Variants in PTPN4 observed in about 807,000 individuals in gnomAD.
The protein encoded by PTPN4 is protein tyrosine phosphatase non-receptor type 4, also known as tyrosine-protein phosphatase non-receptor type 4.
PTPN4 carries 49 observed loss-of-function variants against 135.5 expected under a neutral mutation model. The observed-to-expected ratio is 0.36, with a 90% CI of 0.29 to 0.46. The LOEUF (loss-of-function observed/expected upper bound fraction) is 0.46. Among genes scored for constraint, PTPN4 ranks in the 20% least tolerant of loss-of-function variants. The pLI is 1.00. For missense variants in PTPN4, 860 were observed against 1,101.0 expected, an observed-to-expected ratio of 0.78 and a Z score of 3.10; for synonymous variants, 333 against 369.9, an observed-to-expected ratio of 0.90 and a Z score of 1.14.
chr2:119,939,093 A>T (rs997279092), intron 15 of PTPN4, among the ~76,000 whole-genome samples: 3 of 152,208 alleles, frequency 2.0e-5, no homozygotes, highest in Non-Finnish European at 4.4e-5. Flanking sequence ...AGTTGCTATA[A>T]GCATATAATA....
chr2:119,809,017 A>G (rs1242095744), intron 1 of PTPN4, among the ~76,000 whole-genome samples: 7 of 152,194 alleles, frequency 4.6e-5, no homozygotes, highest in African/African-American at 9.6e-5. Context: ...CCTTTACCTA[A>G]TTGTCTTTAA....
intron 10 of PTPN4, among the ~76,000 whole-genome samples, chr2:119,901,526 G>A (rs1012403819): frequency 6.6e-6 from 1 of 152,072 alleles, no homozygotes; most frequent in African/African-American, 2.4e-5. Context: ...TCACACCAAA[G>A]GCATATTTAT....
At chr2:119,934,657 C>A in intron 14 of PTPN4, 143 bp from the exon 15 acceptor site, 1 of 766,320 alleles carries the variant, frequency 1.3e-6, no homozygotes, top group Admixed American at 2.7e-5. Context: ...GTTTATATCA[C>A]ACTGTCTTTT....
At chr2:119,907,862 C>A (rs1346176359) in intron 10 of PTPN4, among the ~76,000 whole-genome samples, 1 of 152,040 alleles carries the variant, frequency 6.6e-6, no homozygotes, top group Non-Finnish European at 1.5e-5. Context: ...GAACAGACAC[C>A]CTTTTCCATA....
Position 119,877,272 on chromosome 2 carries a change from T to C in PTPN4, c.247-51T>C, listed in dbSNP as rs555324381. ...TGGAACAGATTTGCAAGAATCAATATAGTAGTTCCTCAAGGAAAAAAGAAA... is the reference window on the plus strand; with the variant it reads ...TGGAACAGATTTGCAAGAATCAATACAGTAGTTCCTCAAGGAAAAAAGAAA... On this transcript the variant is annotated intron_variant, in intron 3 of 26. Coordinates refer to ENST00000263708, the MANE Select transcript of PTPN4 (RefSeq NM_002830.4). The C allele has an allele frequency of 3.8e-6, 6 of 1,570,384 alleles. No homozygotes were observed. In the Admixed American group the frequency reaches 7.3e-5, roughly 19 times the overall value.
chr2:119,892,381 A>G (rs1271148655), intron 9 of PTPN4, among the ~76,000 whole-genome samples: 1 of 152,192 alleles, frequency 6.6e-6, no homozygotes, highest in Non-Finnish European at 1.5e-5. Context: ...TGTGCATTTT[A>G]CTATACAGTA....
At chr2:119,928,930 TC>T (rs1678863163) in intron 13 of PTPN4, among the ~76,000 whole-genome samples, 1 of 152,156 alleles carries the variant, frequency 6.6e-6, no homozygotes, top group South Asian at 2.1e-4. Flanking sequence ...CATGTTTTGA[TC>T]CTATCAGATT....
At chr2:119,784,697 T>A (rs966750463) in intron 1 of PTPN4, among the ~76,000 whole-genome samples, 2 of 65,706 alleles carry the variant, frequency 3.0e-5, no homozygotes, top group African/African-American at 1.6e-4. Flanking sequence ...GCCCAGCTAA[T>A]TTTTTTTTTT....
Position 119,926,603 on chromosome 2 carries a change from G to A in PTPN4, c.1007G>A (p.Arg336Lys). The change falls in exon 13 of 27, where the codon AGA becomes AAA. Residue 336 changes from arginine to lysine, a missense_variant. Arg to Lys is a conservative substitution (Grantham distance 26, BLOSUM62 2). Transcript: ENST00000263708. ...TLGSKFRYCG[R>K]TEVQSVQYGK... ...TGCATATTTATATATTTCAGTGGGA[G>A]AACTGAAGTCCAATCAGTTCAGTAT... 1.3e-6 allele frequency: 2 copies of A among 1,590,426 alleles called. No individual in the cohort carries two copies. Among genetic ancestry groups the A allele is most frequent in the Non-Finnish European group, 1.7e-6 (2 of 1,164,856 alleles).
intron 10 of PTPN4, among the ~76,000 whole-genome samples, chr2:119,908,576 CT>C (rs889221563): frequency 1.2e-4 from 18 of 152,268 alleles, no homozygotes; most frequent in African/African-American, 4.1e-4. Flanking sequence ...CTGGCCGTTT[CT>C]GTCTCTCTTC....
At chr2:119,885,031 T>C (rs1029135042) in intron 8 of PTPN4, among the ~76,000 whole-genome samples, 3 of 152,214 alleles carry the variant, frequency 2.0e-5, no homozygotes, top group Admixed American at 6.5e-5. Context: ...CTTCAACTTG[T>C]GTTTATAAGA....
At chr2:119,884,636 A>G (rs770524215) in intron 8 of PTPN4, among the ~76,000 whole-genome samples, 13 of 152,204 alleles carry the variant, frequency 8.5e-5, no homozygotes, top group Non-Finnish European at 1.2e-4. Context: ...ATTTTTTTAA[A>G]TTTACCGATA....
intron 1 of PTPN4, among the ~76,000 whole-genome samples, chr2:119,769,459 G>A (rs1690696502): frequency 6.6e-6 from 1 of 152,180 alleles, no homozygotes; most frequent in South Asian, 2.1e-4. Flanking sequence ...GCCAGGAAGT[G>A]GTAGCCTGGG....
rs756766251 is a variant in PTPN4, at chr2:119,946,348, G to A, written c.1523G>A (p.Gly508Asp). The A allele has an allele frequency of 6.2e-7, 1 of 1,600,876 alleles. No individual in the cohort carries two copies. Among genetic ancestry groups the A allele is most frequent in the South Asian group, 1.1e-5 (1 of 87,804 alleles). Residue 508 changes from glycine to aspartate, a missense_variant, in exon 17 of 27, where the codon GGT becomes GAT. Around this residue, in one of 2 missense-constraint regions of PTPN4, gnomAD observed 684 missense variants for 807.0 expected, o/e 0.85. Coordinates refer to ENST00000263708, the MANE Select transcript of PTPN4 (RefSeq NM_002830.4). The part of the protein sequence containing the change: ...PSSPEKPTPN[G>D]GIPHDNLVLI... Reference sequence around the variant, plus strand: ...TAATTTTGTCTTTTTAAGCCTAATGGTGGTATTCCACATGATAATCTTGTC... The same window carrying A: ...TAATTTTGTCTTTTTAAGCCTAATGATGGTATTCCACATGATAATCTTGTC...
chr2:119,972,848 T>G (rs919508901), intron 26 of PTPN4, among the ~76,000 whole-genome samples: 1 of 152,150 alleles, frequency 6.6e-6, no homozygotes, highest in African/African-American at 2.4e-5. Flanking sequence ...AGGTGGTATA[T>G]GACATTGATT....
intron 2 of PTPN4, among the ~76,000 whole-genome samples, chr2:119,857,223 G>A (rs1328186241): frequency 1.3e-5 from 2 of 151,908 alleles, no homozygotes; most frequent in South Asian, 2.1e-4. Flanking sequence ...TGCTTTTCAA[G>A]CTGCTTTTCT....
chr2:119,804,985 A>G (rs1204106955), intron 1 of PTPN4, among the ~76,000 whole-genome samples: 1 of 151,900 alleles, frequency 6.6e-6, no homozygotes, highest in Admixed American at 6.6e-5. Context: ...CTGGCATGAG[A>G]TGGTATCTCA....
chr2:119,908,897 A>G (rs1678527721), intron 10 of PTPN4, among the ~76,000 whole-genome samples: 1 of 152,176 alleles, frequency 6.6e-6, no homozygotes, highest in Admixed American at 6.6e-5. Context: ...GTTGATATGG[A>G]GAGTATCTTA....
intron 5 of PTPN4, among the ~76,000 whole-genome samples, chr2:119,880,681 C>G (rs1219899031): frequency 6.6e-6 from 1 of 151,604 alleles, no homozygotes; most frequent in East Asian, 1.9e-4. Flanking sequence ...ACCTTGTGAT[C>G]TGCCCGCCTC....
Sources: gnomAD v4.1 joint callset for allele counts (sites outside exome capture counted in the v4.1 genomes callset) on GRCh38, gnomAD v4.1.1 for gene constraint, gnomAD v4.1.1 regional missense constraint, MANE v1.5 for transcripts, NCBI Gene and HGNC (gene_info 2026-07-23, HGNC 2026-07-21) for gene names.